Variants in PLEKHA3 observed in about 807,000 individuals in gnomAD.
The protein encoded by PLEKHA3 is pleckstrin homology domain containing A3.
Under a neutral mutation model 39.2 loss-of-function variants are expected in PLEKHA3, and 19 were observed. The observed-to-expected ratio is 0.48, with a 90% CI of 0.34 to 0.71. PLEKHA3 has a LOEUF of 0.71. Ranked by LOEUF, PLEKHA3 falls within the 30% of genes least tolerant of loss-of-function variation. The pLI, the probability that PLEKHA3 is intolerant of heterozygous loss-of-function variation, is 0.01. For synonymous variants in PLEKHA3, 97 were observed against 118.6 expected (o/e 0.82, Z 1.18); for missense variants, 253 against 359.5 (o/e 0.70, Z 2.40).
intron 6 of PLEKHA3, 84 bp downstream of exon 6, chr2:178,499,338 G>A: frequency 7.4e-7 from 1 of 1,354,572 alleles, no homozygotes; most frequent in South Asian, 1.3e-5. Context: ...AAGTGGTGTG[G>A]AATGTAAACT....
At chr2:178,493,754 G>T in intron 3 of PLEKHA3, 99 bp from the exon 4 acceptor site, 1 of 1,032,188 alleles carries the variant, frequency 9.7e-7, no homozygotes. Context: ...TGAGCTATAG[G>T]TATTTATATT....
At chr2:178,496,214 G>A (rs1685443846) in intron 5 of PLEKHA3, among the ~76,000 whole-genome samples, 2 of 152,286 alleles carry the variant, frequency 1.3e-5, no homozygotes, top group Non-Finnish European at 2.9e-5. Flanking sequence ...ACTGTTAGGT[G>A]CTCAGTGTTA....
At position 178,482,141 on chromosome 2, in the gene PLEKHA3, A is replaced by G. The variant is rs149602554; in HGVS notation, c.40+1232A>G. Among the ~76,000 whole-genome samples the G allele has an allele frequency of 7.2e-5, 11 of 152,360 alleles. No individual in the cohort carries two copies. The East Asian group carries it at 1.9e-3, about 27-fold the overall frequency. ...AACTCAATTTATTTCTATAAGTGAC[A>G]TGTTTTAACGGGAAACATTTAAAAG... is the stretch of plus-strand genomic sequence containing the variant. On this transcript the variant is annotated intron_variant, in intron 1 of 7. Coordinates refer to ENST00000234453, the MANE Select transcript of PLEKHA3 (RefSeq NM_019091.4).
intron 3 of PLEKHA3, among the ~76,000 whole-genome samples, chr2:178,491,671 C>T (rs1326729322): frequency 6.6e-6 from 1 of 152,192 alleles, no homozygotes; most frequent in African/African-American, 2.4e-5. Context: ...ATGACAATTT[C>T]TTGATAGTGA....
intron 4 of PLEKHA3, 31 bp from the exon 5 acceptor site, chr2:178,495,465 A>G (rs190030143): frequency 1.5e-5 from 24 of 1,610,664 alleles, no homozygotes; most frequent in Non-Finnish European, 2.0e-5. Flanking sequence ...GTTGTATGCA[A>G]ATCTGTTCAA....
intron 7 of PLEKHA3, chr2:178,502,366 G>A (rs1333876761): frequency 2.1e-5 from 9 of 426,126 alleles, no homozygotes; most frequent in South Asian, 6.8e-5. Flanking sequence ...GAAAGAAACC[G>A]GGAAGGGGAA....
intron 2 of PLEKHA3, among the ~76,000 whole-genome samples, chr2:178,486,361 A>G (rs1308861240): frequency 2.0e-5 from 3 of 152,158 alleles, no homozygotes; most frequent in Non-Finnish European, 4.4e-5. Context: ...AATCAGATAA[A>G]ATGGCAGTGA....
chr2:178,489,160 G>C (rs1685304153), intron 2 of PLEKHA3: 1 of 277,488 alleles, frequency 3.6e-6, no homozygotes. Flanking sequence ...TATAGCTTTA[G>C]GAGTTCAGTA....
intron 7 of PLEKHA3, among the ~76,000 whole-genome samples, chr2:178,502,917 A>G (rs1381201217): frequency 6.6e-6 from 1 of 152,026 alleles, no homozygotes; most frequent in Non-Finnish European, 1.5e-5. Flanking sequence ...TTTCCTGTTT[A>G]TACTAGTTTA....
chr2:178,494,692 A>T (rs771028783), intron 4 of PLEKHA3, among the ~76,000 whole-genome samples: 3 of 152,138 alleles, frequency 2.0e-5, no homozygotes, highest in Non-Finnish European at 4.4e-5. Context: ...CAGTGACAGT[A>T]TTAGGGACCC....
At chr2:178,503,582 T>C (rs1379095443) in intron 7 of PLEKHA3, among the ~76,000 whole-genome samples, 178 bp from the exon 8 acceptor site, 3 of 152,022 alleles carry the variant, frequency 2.0e-5, no homozygotes, top group Non-Finnish European at 4.4e-5. Context: ...TCCTTGTGGC[T>C]GTTGATACTC....
intron 3 of PLEKHA3, among the ~76,000 whole-genome samples, chr2:178,493,574 A>G (rs944948627): frequency 6.6e-6 from 1 of 152,234 alleles, no homozygotes; most frequent in Non-Finnish European, 1.5e-5. Context: ...TAAATGGAAG[A>G]TGAGTAATGG....
intron 4 of PLEKHA3, 56 bp from the exon 5 acceptor site, chr2:178,495,440 A>T: frequency 6.6e-7 from 1 of 1,506,112 alleles, no homozygotes. Flanking sequence ...ATAAGGTTGT[A>T]TATGATTCCA....
At position 178,503,819 on chromosome 2, in the gene PLEKHA3, G is replaced by A; in HGVS notation, c.835G>A (p.Glu279Lys). 6.2e-7 allele frequency: 1 copy of A among 1,611,916 alleles called. No homozygotes were observed. The highest frequency in any genetic ancestry group is 8.5e-7 in the Non-Finnish European group (1 of 1,178,334). The change falls in exon 8 of 8, where the codon GAA (glutamate) becomes AAA (lysine). Residue 279 changes from glutamate (E) to lysine (K), a missense_variant. Transcript: ENST00000234453. ...AGATTTGGCATCAGCAACCATTCCTGAAGAAAGCAGACTTATGGCCAAAAA... is the reference window on the plus strand; with the variant it reads ...AGATTTGGCATCAGCAACCATTCCTAAAGAAAGCAGACTTATGGCCAAAAA... ...NGDLASATIP[E>K]ESRLMAKKQS...
At chr2:178,487,765 T>G (rs553245790) in intron 2 of PLEKHA3, among the ~76,000 whole-genome samples, 1 of 152,334 alleles carries the variant, frequency 6.6e-6, no homozygotes, top group African/African-American at 2.4e-5. Context: ...TCACAGATAA[T>G]GCCAGATGTT....
Position 178,493,861 on chromosome 2 carries a change from G to T in PLEKHA3, c.322G>T (p.Glu108Ter). The T allele has an allele frequency of 6.2e-7, 1 of 1,612,960 alleles. No individual in the cohort carries two copies. The highest frequency in any genetic ancestry group is 2.2e-5 in the East Asian group (1 of 44,846). Reference protein sequence around the residue: ...TRTKKEKEISETSESLKTKMS... With the variant: ...TRTKKEKEIS Reference sequence around the variant, plus strand: ...ATGTATATTCTTTTCAGAAATAAGTGAAACCAGTGAATCGCTGAAAACCAA... The same window carrying T: ...ATGTATATTCTTTTCAGAAATAAGTTAAACCAGTGAATCGCTGAAAACCAA... Residue 108 changes from glutamate (E) to a stop codon, truncating the protein, a stop_gained, in exon 4 of 8, where the codon GAA (glutamate) becomes TAA (stop). Transcript: ENST00000234453. LOFTEE classifies it high-confidence loss of function.
Position 178,505,690 on chromosome 2 carries a change from G to A in PLEKHA3, c.*1803G>A, listed in dbSNP as rs924717527. On this transcript the variant is annotated 3_prime_UTR_variant, in exon 8 of 8. Coordinates refer to ENST00000234453, the MANE Select transcript of PLEKHA3 (RefSeq NM_019091.4). Reference sequence around the variant, plus strand: ...GTAATAGGTTTATAAGGAAAACACCGTAACAAGCTTTTGAACTTATAGAAA... The same window carrying A: ...GTAATAGGTTTATAAGGAAAACACCATAACAAGCTTTTGAACTTATAGAAA... The A allele has an allele frequency of 6.6e-6, 1 of 151,648 alleles. No homozygotes were observed. Among genetic ancestry groups the A allele is most frequent in the Non-Finnish European group, 1.5e-5 (1 of 67,832 alleles). 9.4% of individuals were successfully genotyped at this position (151,648 alleles called of 1,614,324 possible). A position where few individuals can be genotyped will look rare whatever the true frequency, so the allele number is the denominator to read the frequency against.
Position 178,493,833 on chromosome 2 carries a change from T to C in PLEKHA3, c.314-20T>C. 2 of 1,598,486 alleles carry C rather than the reference T, an allele frequency of 1.3e-6. No homozygotes were observed. The highest frequency in any genetic ancestry group is 1.7e-6 in the Non-Finnish European group (2 of 1,168,100). On this transcript the variant is annotated intron_variant, in intron 3 of 7. Coordinates refer to ENST00000234453, the MANE Select transcript of PLEKHA3 (RefSeq NM_019091.4). ...AATATGAAAATGATCTAACTGTATATTTATGTATATTCTTTTCAGAAATAA... is the reference window on the plus strand; with the variant it reads ...AATATGAAAATGATCTAACTGTATACTTATGTATATTCTTTTCAGAAATAA...
rs1685695895 is a variant in PLEKHA3 at position 178,511,996 on chromosome 2, G to T, written c.*8109G>T. 1 of 152,196 alleles carries T rather than the reference G, an allele frequency of 6.6e-6. No homozygotes were observed. The highest frequency in any genetic ancestry group is 2.4e-5 in the African/African-American group (1 of 41,452). 9.4% of individuals were successfully genotyped at this position (152,196 alleles called of 1,614,324 possible). On this transcript the variant is annotated 3_prime_UTR_variant, in exon 8 of 8. Coordinates refer to ENST00000234453, the MANE Select transcript of PLEKHA3 (RefSeq NM_019091.4). ...ATTTAGAGCATTTACTGTGGGCCAG[G>T]TGCTTTACCTCATGTTAGCCTTATA...
Sources: gnomAD v4.1 joint callset for allele counts (sites outside exome capture counted in the v4.1 genomes callset) on GRCh38, gnomAD v4.1.1 for gene constraint, MANE v1.5 for transcripts, NCBI Gene and HGNC (gene_info 2026-07-23, HGNC 2026-07-21) for gene names.